RMST: variants seen among roughly 807,000 people sequenced by gnomAD.
RMST encodes the protein rhabdomyosarcoma 2 associated transcript, also known as long intergenic non-protein coding RNA 54.
chr12:97,543,401 C>T (rs1232733638), intron 11 of RMST, among the ~76,000 whole-genome samples: 1 of 151,982 alleles, frequency 6.6e-6, no homozygotes, highest in East Asian at 1.9e-4. Context: ...TATCATCCCT[C>T]TAGAAAGTAA....
chr12:97,512,733 C>A (rs1033208520), intron 10 of RMST, among the ~76,000 whole-genome samples: 2 of 151,906 alleles, frequency 1.3e-5, no homozygotes, highest in African/African-American at 2.4e-5. Context: ...CCCAGTGGAT[C>A]CCGCACCGGG....
intron 11 of RMST, among the ~76,000 whole-genome samples, chr12:97,542,352 A>T (rs908438204): frequency 1.4e-4 from 22 of 151,858 alleles, no homozygotes; most frequent in Non-Finnish European, 2.1e-4. Context: ...AACACACCTG[A>T]AGCAACTAGA....
chr12:97,476,227 T>C (rs1374505676), intron 5 of RMST, among the ~76,000 whole-genome samples: 2 of 152,178 alleles, frequency 1.3e-5, no homozygotes, highest in Admixed American at 6.6e-5. Flanking sequence ...ATATTTGTGA[T>C]TATATGACTC....
At chr12:97,511,113 C>T (rs1343317885) in intron 10 of RMST, among the ~76,000 whole-genome samples, 1 of 150,128 alleles carries the variant, frequency 6.7e-6, no homozygotes. Flanking sequence ...GTTTAGTGGG[C>T]AATTATAATA....
chr12:97,486,419 C>A (rs1301559291), intron 5 of RMST, among the ~76,000 whole-genome samples: 3 of 152,176 alleles, frequency 2.0e-5, no homozygotes, highest in African/African-American at 4.8e-5. Context: ...GAAGACAGAC[C>A]TTTGCCATTA....
intron 10 of RMST, among the ~76,000 whole-genome samples, chr12:97,512,978 T>C (rs1345840986): frequency 6.6e-6 from 1 of 152,208 alleles, no homozygotes; most frequent in Non-Finnish European, 1.5e-5. Flanking sequence ...CAGCAGCTGC[T>C]AGCCCAGGTG....
At chr12:97,482,711 A>ATT (rs10629656) in intron 5 of RMST, among the ~76,000 whole-genome samples, 27,452 of 65,646 alleles carry the variant, frequency 0.42, 7,680 homozygotes, top group African/African-American at 0.53. Context: ...AAATAAATTT[A>ATT]TATTATTTAT....
intron 10 of RMST, among the ~76,000 whole-genome samples, chr12:97,514,723 T>C (rs972512619): frequency 4.6e-5 from 7 of 152,076 alleles, no homozygotes; most frequent in African/African-American, 1.2e-4. Context: ...ATAATAGAGA[T>C]TGATTACATT....
At chr12:97,506,531 G>GA (rs1292178578) in intron 10 of RMST, among the ~76,000 whole-genome samples, 2 of 152,058 alleles carry the variant, frequency 1.3e-5, no homozygotes, top group African/African-American at 4.8e-5. Flanking sequence ...GGGATGAGAG[G>GA]AAAAATCAAT....
chr12:97,503,184 C>A (rs1878277531), intron 10 of RMST, among the ~76,000 whole-genome samples: 1 of 152,142 alleles, frequency 6.6e-6, no homozygotes, highest in Non-Finnish European at 1.5e-5. Context: ...TAATTTCCTT[C>A]TTCTCCTATA....
intron 11 of RMST, among the ~76,000 whole-genome samples, chr12:97,531,474 G>T (rs971125529): frequency 6.6e-6 from 1 of 151,942 alleles, no homozygotes; most frequent in Non-Finnish European, 1.5e-5. Flanking sequence ...ACTGTGATTT[G>T]CTTTGCTTGA....
intron 10 of RMST, among the ~76,000 whole-genome samples, chr12:97,502,612 C>T (rs1202668397): frequency 6.6e-6 from 1 of 152,124 alleles, no homozygotes. Flanking sequence ...AAGCTCATGC[C>T]ACCATGCCTG....
intron 11 of RMST, among the ~76,000 whole-genome samples, chr12:97,532,450 A>G (rs546551669): frequency 3.3e-5 from 5 of 152,024 alleles, no homozygotes; most frequent in South Asian, 2.1e-4. Context: ...AAATAAGTAG[A>G]TGAATAGAAA....
At chr12:97,520,693 A>C (rs1408347096) in intron 10 of RMST, among the ~76,000 whole-genome samples, 2 of 152,166 alleles carry the variant, frequency 1.3e-5, no homozygotes, top group Admixed American at 6.5e-5. Context: ...CAGACTTGAG[A>C]GTATTTAATT....
chr12:97,472,638 G>T (rs1232165986), intron 5 of RMST, among the ~76,000 whole-genome samples: 5 of 151,968 alleles, frequency 3.3e-5, no homozygotes, highest in Non-Finnish European at 7.4e-5. Context: ...TTATCTTTTG[G>T]TTGGGTAACT....
intron 10 of RMST, among the ~76,000 whole-genome samples, chr12:97,521,585 G>C (rs1420345444): frequency 6.6e-6 from 1 of 151,998 alleles, no homozygotes; most frequent in African/African-American, 2.4e-5. Flanking sequence ...AAAACATTCA[G>C]ATAACTTTCT....
At chr12:97,551,171 TAAAA>T (rs371319102) in intron 11 of RMST, among the ~76,000 whole-genome samples, 2 of 132,322 alleles carry the variant, frequency 1.5e-5, no homozygotes, top group African/African-American at 2.7e-5. Context: ...TCATTGTTTT[TAAAA>T]AAAAAAAAAA....
At chr12:97,552,712 T>C (rs530816530) in intron 11 of RMST, among the ~76,000 whole-genome samples, 1 of 152,378 alleles carries the variant, frequency 6.6e-6, no homozygotes, top group South Asian at 2.1e-4. Flanking sequence ...GTTGTTGTTG[T>C]TGCTGTTAAA....
At chr12:97,468,073 A>G (rs1422999027) in intron 5 of RMST, among the ~76,000 whole-genome samples, 3 of 152,056 alleles carry the variant, frequency 2.0e-5, no homozygotes, top group African/African-American at 7.2e-5. Flanking sequence ...TAGTAAAAAT[A>G]TCACTCTGAG....
Sources: allele counts gnomAD v4.1 joint callset (sites outside exome capture counted in the v4.1 genomes callset), GRCh38; gene constraint gnomAD v4.1.1; transcripts MANE v1.5; gene names NCBI Gene and HGNC (gene_info 2026-07-23, HGNC 2026-07-21).